The following MAPK8 variants were observed in gnomAD, a reference collection of about 807,000 sequenced individuals.
MAPK8 encodes JUN N-terminal kinase.
Under a neutral mutation model 52.9 loss-of-function variants are expected in MAPK8, and 13 were observed. That is an observed-to-expected ratio of 0.25 (90% CI 0.16 to 0.39). The LOEUF is 0.39. Among genes scored for constraint, MAPK8 ranks in the 10% least tolerant of loss-of-function variants. The pLI is 1.00. For missense variants in MAPK8, 300 were observed against 519.2 expected, an observed-to-expected ratio of 0.58 and a Z score of 4.10; for synonymous variants, 191 against 169.8, an observed-to-expected ratio of 1.12 and a Z score of -0.97.
intron 1 of MAPK8, among the ~76,000 whole-genome samples, chr10:48,388,771 G>T (rs2041462867): frequency 6.6e-6 from 1 of 152,106 alleles, no homozygotes; most frequent in African/African-American, 2.4e-5. Flanking sequence ...CTGAAACATA[G>T]GCTGTCTCAG....
chr10:48,434,748 A>T, intron 11 of MAPK8, 136 bp from the exon 12 acceptor site: 1 of 587,072 alleles, frequency 1.7e-6, no homozygotes, highest in South Asian at 3.1e-5. Flanking sequence ...TGTGTTGGAT[A>T]TCATTTGCGA....
In MAPK8 at chr10:48,424,580, C is replaced by T. The variant is rs1329102915; in HGVS notation, c.688+421C>T. ...AAAGGTGGTGTTTTGTTCCCAGGTA[C>T]AGATCGTATCCTTATCTTTGGCCTA... On this transcript the variant is annotated intron_variant, in intron 7 of 11. Coordinates refer to ENST00000374189, the MANE Select transcript of MAPK8 (RefSeq NM_001323329.2). 6 of 1,588,670 alleles carry T rather than the reference C, an allele frequency of 3.8e-6. No individual in the cohort carries two copies. In the East Asian group the frequency reaches 6.8e-5, roughly 18 times the overall value.
At chr10:48,407,559 T>C (rs1370057630) in intron 3 of MAPK8, among the ~76,000 whole-genome samples, 1 of 152,172 alleles carries the variant, frequency 6.6e-6, no homozygotes, top group Non-Finnish European at 1.5e-5. Context: ...TTTCCCTTTT[T>C]GAAAAATGGG....
intron 7 of MAPK8, chr10:48,425,227 T>A (rs1476168752): frequency 9.2e-6 from 7 of 758,646 alleles, no homozygotes; most frequent in Non-Finnish European, 1.7e-5. Flanking sequence ...TAAGTGAGTT[T>A]TAGGCCTTGG....
At chr10:48,365,113 C>T (rs1847910058) in intron 1 of MAPK8, among the ~76,000 whole-genome samples, 1 of 152,060 alleles carries the variant, frequency 6.6e-6, no homozygotes, top group Non-Finnish European at 1.5e-5. Context: ...ATTGTAACAA[C>T]AATTTGTCTT....
At position 48,412,138 on chromosome 10, in the gene MAPK8, A is replaced by G. The variant is rs565034823; in HGVS notation, c.450+1970A>G. On this transcript the variant is annotated intron_variant, in intron 5 of 11. Transcript: ENST00000374189. ...TGGGATTACAGGCGTGAACCACCCC[A>G]CCTGGCCTCTTTCAGCACTTTAGAT... Among the ~76,000 whole-genome samples the G allele has an allele frequency of 2.6e-4, 39 of 152,092 alleles. No homozygotes were observed. The East Asian group carries it at 7.4e-3, about 29-fold the overall frequency.
chr10:48,362,709 G>A (rs536870318), intron 1 of MAPK8, among the ~76,000 whole-genome samples: 71 of 148,682 alleles, frequency 4.8e-4, no homozygotes, highest in African/African-American at 1.7e-3. Context: ...CACTGCTCAC[G>A]TAATTTGTGA....
chr10:48,412,386 T>G (rs2042805873), intron 5 of MAPK8, among the ~76,000 whole-genome samples: 1 of 152,210 alleles, frequency 6.6e-6, no homozygotes, highest in Admixed American at 6.5e-5. Flanking sequence ...GATTCATGTC[T>G]TTTTTGATCA....
chr10:48,432,334 A>AT (rs2044370948), intron 11 of MAPK8, among the ~76,000 whole-genome samples: 1 of 152,114 alleles, frequency 6.6e-6, no homozygotes, highest in African/African-American at 2.4e-5. Context: ...TGTTTAAGCC[A>AT]TTTTTTGTGG....
intron 5 of MAPK8, among the ~76,000 whole-genome samples, chr10:48,415,476 G>A (rs897469780): frequency 1.3e-5 from 2 of 152,200 alleles, no homozygotes; most frequent in African/African-American, 4.8e-5. Flanking sequence ...ATGGTAATAT[G>A]TTAATCGGAT....
chr10:48,415,161 T>G (rs1371028591), intron 5 of MAPK8, among the ~76,000 whole-genome samples: 1 of 152,162 alleles, frequency 6.6e-6, no homozygotes, highest in Non-Finnish European at 1.5e-5. Flanking sequence ...AAAAATCTCT[T>G]TAAATGGGAG....
chr10:48,409,782 C>A, intron 3 of MAPK8, 97 bp from the exon 4 acceptor site: 1 of 780,888 alleles, frequency 1.3e-6, no homozygotes, highest in Middle Eastern at 3.8e-4. Context: ...AGATTTTAAA[C>A]TGATGGTAGT....
At chr10:48,366,474 T>C (rs1423097182) in intron 1 of MAPK8, among the ~76,000 whole-genome samples, 1 of 152,204 alleles carries the variant, frequency 6.6e-6, no homozygotes, top group Non-Finnish European at 1.5e-5. Flanking sequence ...TAGCAGCTTT[T>C]AACCTGGGAT....
intron 5 of MAPK8, among the ~76,000 whole-genome samples, chr10:48,411,766 C>T (rs2133090616): frequency 6.6e-6 from 1 of 151,544 alleles, no homozygotes; most frequent in Admixed American, 6.6e-5. Context: ...TTACCATTTC[C>T]TTCCTTCTCT....
At chr10:48,374,365 C>G (rs2040519660) in intron 1 of MAPK8, among the ~76,000 whole-genome samples, 1 of 151,948 alleles carries the variant, frequency 6.6e-6, no homozygotes, top group Non-Finnish European at 1.5e-5. Flanking sequence ...AATTCAAAAG[C>G]TAGCAGAAGA....
At chr10:48,414,930 G>A (rs2042980821) in intron 5 of MAPK8, among the ~76,000 whole-genome samples, 2 of 151,884 alleles carry the variant, frequency 1.3e-5, no homozygotes, top group South Asian at 4.1e-4. Flanking sequence ...TCTTCCTTCT[G>A]AGTCATCTGC....
At chr10:48,308,284 A>C (rs1841600253) in intron 1 of MAPK8, 1 of 152,206 alleles carries the variant, frequency 6.6e-6, no homozygotes, top group Non-Finnish European at 1.5e-5. Context: ...CTAGCCTGGA[A>C]TATAGTAAGT....
intron 1 of MAPK8, among the ~76,000 whole-genome samples, chr10:48,322,295 T>C (rs763721627): frequency 2.2e-4 from 32 of 145,080 alleles, no homozygotes; most frequent in Admixed American, 2.8e-4. Context: ...GGTTTTGTAC[T>C]GTGCCAGTCT....
At chr10:48,421,674 G>A (rs149914240) in intron 6 of MAPK8, among the ~76,000 whole-genome samples, 29 of 152,176 alleles carry the variant, frequency 1.9e-4, no homozygotes, top group African/African-American at 7.0e-4. Flanking sequence ...GTGTGGTGGT[G>A]CACACCTGTA....
Sources: gnomAD v4.1 joint callset for allele counts (sites outside exome capture counted in the v4.1 genomes callset) on GRCh38, gnomAD v4.1.1 for gene constraint, MANE v1.5 for transcripts, NCBI Gene and HGNC (gene_info 2026-07-23, HGNC 2026-07-21) for gene names.